NLK: variants seen among roughly 807,000 people sequenced by gnomAD.
NLK encodes the protein nemo like kinase.
NLK carries 11 observed loss-of-function variants against 59.0 expected under a neutral mutation model. That is an observed-to-expected ratio of 0.19 (90% CI 0.12 to 0.31). The LOEUF (loss-of-function observed/expected upper bound fraction) is 0.31, where lower values mean the gene tolerates loss of function less well. NLK is among the 10% of genes least tolerant of loss of function. NLK has a pLI of 1.00. For synonymous variants in NLK, 235 were observed against 235.9 expected (o/e 1.00, Z 0.03); for missense variants, 410 against 661.1 (o/e 0.62, Z 4.16).
chr17:28,159,254 TTTACTC>T (rs760292223), intron 3 of NLK, among the ~76,000 whole-genome samples: 1 of 152,192 alleles, frequency 6.6e-6, no homozygotes, highest in Admixed American at 6.5e-5. Flanking sequence ...AGGACTGGCT[TTTACTC>T]TTAAATGAAA....
chr17:28,044,045 T>C (rs984579779), intron 1 of NLK, among the ~76,000 whole-genome samples: 4 of 152,352 alleles, frequency 2.6e-5, no homozygotes, highest in South Asian at 2.1e-4. Flanking sequence ...GTTGCTGTTA[T>C]CTGTTGGTCA....
chr17:28,055,351 G>A (rs545255577), intron 1 of NLK, among the ~76,000 whole-genome samples: 3 of 151,728 alleles, frequency 2.0e-5, no homozygotes, highest in Non-Finnish European at 4.4e-5. Context: ...TCGGGCTCCC[G>A]AAGTGCTGGG....
downstream of NLK, among the ~76,000 whole-genome samples, chr17:28,200,358 C>A (rs1909598244): frequency 6.6e-6 from 1 of 152,110 alleles, no homozygotes; most frequent in Non-Finnish European, 1.5e-5. Flanking sequence ...GGTTGAAGTT[C>A]TCTTTTTGTA....
At chr17:28,199,665 C>CAAAAAAAA (rs1303411168), downstream of NLK, among the ~76,000 whole-genome samples, 3 of 33,566 alleles carry the variant, frequency 8.9e-5, no homozygotes, top group Non-Finnish European at 1.1e-4. Context: ...GACTCTGTCT[C>CAAAAAAAA]AAAAAAAAAA....
intron 1 of NLK, among the ~76,000 whole-genome samples, chr17:28,105,912 A>G (rs1905063294): frequency 6.6e-6 from 1 of 152,224 alleles, no homozygotes; most frequent in Non-Finnish European, 1.5e-5. Context: ...GACTACCAAC[A>G]TATAAAGAAA....
the NLK span, among the ~76,000 whole-genome samples, chr17:28,202,024 A>T: frequency 6.6e-6 from 1 of 152,162 alleles, no homozygotes; most frequent in Non-Finnish European, 1.5e-5. Context: ...TCAAAAGGAA[A>T]AAAAAAGCAA....
At chr17:28,068,695 T>A (rs943414275) in intron 1 of NLK, among the ~76,000 whole-genome samples, 20 of 152,230 alleles carry the variant, frequency 1.3e-4, no homozygotes, top group African/African-American at 4.8e-4. Context: ...TTTCTATTTT[T>A]TAGAGACAAG....
intron 2 of NLK, among the ~76,000 whole-genome samples, chr17:28,130,289 T>C (rs1214546188): frequency 6.6e-6 from 1 of 152,160 alleles, no homozygotes; most frequent in Non-Finnish European, 1.5e-5. Context: ...CACTTACTCA[T>C]TTACATTGCT....
At chr17:28,055,046 T>C (rs1192632576) in intron 1 of NLK, among the ~76,000 whole-genome samples, 2 of 152,108 alleles carry the variant, frequency 1.3e-5, no homozygotes, top group Non-Finnish European at 2.9e-5. Flanking sequence ...ACAGCGGAGA[T>C]AGTAATAGTA....
Position 28,043,083 on chromosome 17 carries a change from GGCAGCTGCGGCAGCCGCA to G in NLK, c.216_233del (p.Ala78_Ala83del). On this transcript the variant is annotated inframe_deletion, in exon 1 of 11. Coordinates refer to ENST00000407008, the MANE Select transcript of NLK (RefSeq NM_016231.5). ...ACCCTGTACAGCAGCACACCTCTTCGGCAGCTGCGGCAGCCGCAGCAGCGGCTGCAGCTGCAGCCATGT... is the reference window on the plus strand; with the variant it reads ...ACCCTGTACAGCAGCACACCTCTTCGGCAGCGGCTGCAGCTGCAGCCATGT... 1.9e-6 allele frequency: 3 copies of G among 1,572,660 alleles called. No homozygotes were observed. Among genetic ancestry groups the G allele is most frequent in the Non-Finnish European group, 2.6e-6 (3 of 1,158,736 alleles).
chr17:28,202,678 CTTTT>C, the NLK span, among the ~76,000 whole-genome samples: 3 of 143,020 alleles, frequency 2.1e-5, no homozygotes, highest in African/African-American at 7.8e-5. Context: ...ATTTCTTTTT[CTTTT>C]TTTTCTTTTT....
intron 1 of NLK, among the ~76,000 whole-genome samples, chr17:28,097,105 A>T (rs973789083): frequency 1.3e-5 from 2 of 152,164 alleles, no homozygotes; most frequent in South Asian, 4.1e-4. Flanking sequence ...CCATTTGCTT[A>T]TATTTCAGTT....
chr17:28,151,288 A>G (rs2142038951), intron 3 of NLK, among the ~76,000 whole-genome samples: 1 of 152,296 alleles, frequency 6.6e-6, no homozygotes. Flanking sequence ...AGCAAAGCAA[A>G]AACCGTATCA....
At chr17:28,159,663 T>C (rs1907924137) in intron 3 of NLK, among the ~76,000 whole-genome samples, 1 of 152,154 alleles carries the variant, frequency 6.6e-6, no homozygotes, top group Non-Finnish European at 1.5e-5. Context: ...TTGGAAAGAA[T>C]CTGAGTGATA....
rs1909463909 is a variant in NLK at position 28,195,704 on chromosome 17, A to G, written c.*1068A>G. The stretch of plus-strand genomic sequence containing the variant: ...ACAAGTTCTTTTTTTCTGTTGGAAC[A>G]CTGAATTCTTCTGTGCATATGTACA... On this transcript the variant is annotated 3_prime_UTR_variant, in exon 11 of 11. Transcript: ENST00000407008. 6.6e-6 allele frequency: 1 copy of G among 152,598 alleles called. No homozygotes were observed. Among genetic ancestry groups the G allele is most frequent in the Non-Finnish European group, 1.5e-5 (1 of 68,026 alleles). The allele number at this position is 152,598 out of a possible 1,614,324, so 9.5% of individuals were successfully genotyped here. A position where few individuals can be genotyped will look rare whatever the true frequency, so the allele number is the denominator to read the frequency against.
chr17:28,114,619 A>C (rs1448816264), intron 1 of NLK, among the ~76,000 whole-genome samples: 1 of 152,188 alleles, frequency 6.6e-6, no homozygotes, highest in East Asian at 1.9e-4. Flanking sequence ...AATTGAAGAA[A>C]TCTTTCCCTG....
chr17:28,046,361 C>T (rs943034827), intron 1 of NLK, among the ~76,000 whole-genome samples: 3 of 152,322 alleles, frequency 2.0e-5, no homozygotes. Flanking sequence ...TAACAACTGT[C>T]TGCTGTATTT....
chr17:28,137,507 A>G (rs888864667), intron 3 of NLK, among the ~76,000 whole-genome samples: 4 of 152,178 alleles, frequency 2.6e-5, no homozygotes, highest in Non-Finnish European at 4.4e-5. Context: ...GTTTTAATAG[A>G]CAAACATTTT....
At chr17:28,123,584 C>A (rs1906164876) in intron 2 of NLK, among the ~76,000 whole-genome samples, 1 of 152,054 alleles carries the variant, frequency 6.6e-6, no homozygotes, top group Admixed American at 6.6e-5. Context: ...AAATAATTGA[C>A]CCTTGATTTT....
Sources: gnomAD v4.1 joint callset for allele counts (sites outside exome capture counted in the v4.1 genomes callset) on GRCh38, gnomAD v4.1.1 for gene constraint, MANE v1.5 for transcripts, NCBI Gene and HGNC (gene_info 2026-07-23, HGNC 2026-07-21) for gene names.